Variants in BBS9 observed in about 807,000 individuals in gnomAD.
The protein encoded by BBS9 is protein PTHB1.
Under a neutral mutation model 117.7 loss-of-function variants are expected in BBS9, and 89 were observed. The observed-to-expected ratio is 0.76, with a 90% confidence interval of 0.64 to 0.90. The LOEUF (loss-of-function observed/expected upper bound fraction) is 0.90. Among genes scored for constraint, BBS9 ranks in the 40% least tolerant of loss-of-function variants. The probability of loss-of-function intolerance (pLI) is 0.00; values close to 1 mark genes in which losing one functional copy is unlikely to be tolerated. For missense variants in BBS9, 982 were observed against 1,042.2 expected, an observed-to-expected ratio of 0.94 and a Z score of 0.80; for synonymous variants, 379 against 370.9, an observed-to-expected ratio of 1.02 and a Z score of -0.25.
At chr7:33,590,564 T>C (rs1287430647) in intron 21 of BBS9, among the ~76,000 whole-genome samples, 1 of 151,650 alleles carries the variant, frequency 6.6e-6, no homozygotes, top group Non-Finnish European at 1.5e-5. Context: ...CTGCTCTGTC[T>C]TCCTAAAATT....
intron 1 of BBS9, among the ~76,000 whole-genome samples, chr7:33,134,215 A>AT (rs59609414): frequency 0.033 from 3,859 of 118,012 alleles, 188 homozygotes; most frequent in African/African-American, 0.11. Context: ...ACGCCTGGCT[A>AT]TTTTTTTTTT....
rs550856261 is a variant in BBS9 at position 33,376,532 on chromosome 7, G to A, written c.1790-7134G>A. ...AGTGCATGTATCTTTATGGTAGAAC[G>A]ATTTATATTCCTTTTGGTATATACC... On this transcript the variant is annotated intron_variant, in intron 17 of 22. Coordinates refer to ENST00000242067, the MANE Select transcript of BBS9 (RefSeq NM_198428.3). 6.6e-5 allele frequency among the ~76,000 whole-genome samples: 10 copies of A among 152,264 alleles called. No homozygotes were observed. The South Asian group carries it at 1.5e-3, about 22-fold the overall frequency.
At chr7:33,350,218 G>A (rs1226838234) in intron 13 of BBS9, among the ~76,000 whole-genome samples, 1 of 151,986 alleles carries the variant, frequency 6.6e-6, no homozygotes, top group Admixed American at 6.6e-5. Flanking sequence ...ACGAAGTCAA[G>A]AACATATCTT....
At chr7:33,146,422 T>C (rs896606215) in intron 2 of BBS9, 58 bp downstream of exon 2, 2 of 1,364,046 alleles carry the variant, frequency 1.5e-6, no homozygotes, top group Non-Finnish European at 2.1e-6. Context: ...CAAATAAGAC[T>C]GGGCACGGTG....
intron 1 of BBS9, among the ~76,000 whole-genome samples, chr7:33,138,322 C>T (rs1034791611): frequency 1.3e-5 from 2 of 150,944 alleles, no homozygotes; most frequent in Non-Finnish European, 2.9e-5. Flanking sequence ...CAAAAGGTAA[C>T]GGACGGCAGA....
intron 20 of BBS9, among the ~76,000 whole-genome samples, chr7:33,511,416 G>A (rs1019554176): frequency 3.9e-5 from 6 of 152,194 alleles, no homozygotes; most frequent in Non-Finnish European, 7.3e-5. Context: ...AAGAGCAATA[G>A]TGCACTGGTT....
intron 20 of BBS9, among the ~76,000 whole-genome samples, chr7:33,513,036 G>A (rs1847203550): frequency 6.6e-6 from 1 of 152,240 alleles, no homozygotes; most frequent in Middle Eastern, 3.4e-3. Context: ...TTTGGCCCCT[G>A]TTCAGATTGA....
At chr7:33,251,590 G>T (rs1020835626) in intron 5 of BBS9, among the ~76,000 whole-genome samples, 2 of 152,234 alleles carry the variant, frequency 1.3e-5, no homozygotes, top group Non-Finnish European at 2.9e-5. Context: ...GCATCATCAT[G>T]ATGTGTGTGG....
intron 9 of BBS9, among the ~76,000 whole-genome samples, chr7:33,304,228 C>T (rs1807300335): frequency 6.7e-6 from 1 of 148,170 alleles, no homozygotes; most frequent in Non-Finnish European, 1.5e-5. Flanking sequence ...AGCGCCTCTG[C>T]CCGGCCACCC....
chr7:33,419,566 G>A (rs1182586631), intron 19 of BBS9, among the ~76,000 whole-genome samples: 1 of 151,918 alleles, frequency 6.6e-6, no homozygotes, highest in Admixed American at 6.6e-5. Context: ...TCCTAATGGT[G>A]GTGTGGCAAA....
intron 21 of BBS9, among the ~76,000 whole-genome samples, chr7:33,619,226 A>G (rs1865289137): frequency 6.6e-6 from 1 of 152,190 alleles, no homozygotes; most frequent in Non-Finnish European, 1.5e-5. Flanking sequence ...GGCAAAATAG[A>G]CTTTAGTCAA....
At chr7:33,519,025 A>G (rs2129038639) in intron 20 of BBS9, among the ~76,000 whole-genome samples, 1 of 152,276 alleles carries the variant, frequency 6.6e-6, no homozygotes, top group South Asian at 2.1e-4. Context: ...ATAAATAGCC[A>G]TGTCTTAAAA....
chr7:33,161,161 T>G (rs1024992309), intron 4 of BBS9, among the ~76,000 whole-genome samples: 1 of 152,138 alleles, frequency 6.6e-6, no homozygotes, highest in South Asian at 2.1e-4. Flanking sequence ...CTAGGGTACA[T>G]GTACAACGTG....
intron 17 of BBS9, among the ~76,000 whole-genome samples, chr7:33,372,489 C>CT (rs780659180): frequency 2.0e-5 from 3 of 152,108 alleles, no homozygotes; most frequent in Non-Finnish European, 4.4e-5. Flanking sequence ...CCTTGCATCC[C>CT]TGGAATCAAT....
chr7:33,219,301 G>A lies in BBS9; in HGVS notation c.443-37935G>A, dbSNP rs577448834. 5.3e-5 allele frequency among the ~76,000 whole-genome samples: 8 copies of A among 152,308 alleles called. No homozygotes were observed. In the South Asian group the frequency reaches 6.2e-4, roughly 12 times the overall value. ...GTGCGGCCGAGCTTCCCCGGTGAGC[G>A]CCGCCCCGTGCTCCACCGCGGCCGG... On this transcript the variant is annotated intron_variant, in intron 5 of 22. Transcript: ENST00000242067.
At chr7:33,503,990 C>G (rs1299216649) in intron 19 of BBS9, among the ~76,000 whole-genome samples, 1 of 152,160 alleles carries the variant, frequency 6.6e-6, no homozygotes, top group African/African-American at 2.4e-5. Flanking sequence ...TTCACACTTA[C>G]TTTCTGTTCT....
intron 20 of BBS9, among the ~76,000 whole-genome samples, chr7:33,531,629 G>A (rs771298112): frequency 6.6e-6 from 1 of 152,200 alleles, no homozygotes; most frequent in Non-Finnish European, 1.5e-5. Flanking sequence ...TATTCTGGAG[G>A]AGAGGGTACA....
intron 18 of BBS9, among the ~76,000 whole-genome samples, chr7:33,384,715 T>TGTGTGA (rs370625971): frequency 2.1e-4 from 30 of 144,816 alleles, no homozygotes; most frequent in African/African-American, 3.8e-4. Context: ...TGTGTGTGTG[T>TGTGTGA]GAGAGAGAGA....
chr7:33,378,000 C>G (rs1342637763), intron 17 of BBS9, among the ~76,000 whole-genome samples: 2 of 152,138 alleles, frequency 1.3e-5, no homozygotes, highest in African/African-American at 4.8e-5. Context: ...GAAATAACCC[C>G]TAAAAAGCAC....
Sources: gnomAD v4.1 joint callset for allele counts (sites outside exome capture counted in the v4.1 genomes callset) on GRCh38, gnomAD v4.1.1 for gene constraint, MANE v1.5 for transcripts, NCBI Gene and HGNC (gene_info 2026-07-23, HGNC 2026-07-21) for gene names.